DLEC1: variants seen among roughly 807,000 people sequenced by gnomAD.
The protein encoded by DLEC1 is deleted in lung and esophageal cancer protein 1.
DLEC1 carries 146 observed loss-of-function variants against 198.1 expected under a neutral mutation model. That is an observed-to-expected ratio of 0.74 (90% CI 0.64 to 0.85). The LOEUF is 0.85. Ranked by LOEUF, DLEC1 falls within the 40% of genes least tolerant of loss-of-function variation. The probability of loss-of-function intolerance (pLI) is 0.00; values close to 1 mark genes in which losing one functional copy is unlikely to be tolerated. For missense variants in DLEC1, 2,233 were observed against 2,220.0 expected (o/e 1.01, Z -0.12); for synonymous variants, 897 against 866.8 (o/e 1.03, Z -0.61).
chr3:38,076,398 G>C (rs1331957603), intron 6 of DLEC1, among the ~76,000 whole-genome samples: 1 of 152,314 alleles, frequency 6.6e-6, no homozygotes, highest in Non-Finnish European at 1.5e-5. Context: ...AGTCAGTGAA[G>C]GGAGATGGGG....
chr3:38,084,497 A>AGTGGTGGTG (rs1698298227), intron 7 of DLEC1, among the ~76,000 whole-genome samples: 1 of 126,808 alleles, frequency 7.9e-6, no homozygotes, highest in Admixed American at 8.4e-5. Context: ...TGGTGGTAGT[A>AGTGGTGGTG]GTAGTGGTAG....
At position 38,092,818 on chromosome 3, in the gene DLEC1, A is replaced by G. The variant is rs774426911; in HGVS notation, c.1694A>G (p.Lys565Arg). The change falls in exon 11 of 37, where the codon AAG becomes AGG. Residue 565 changes from lysine (K) to arginine (R), a missense_variant. By Grantham distance (26) the Lys-to-Arg change is conservative (BLOSUM62 2). Coordinates refer to ENST00000308059, the MANE Select transcript of DLEC1 (RefSeq NM_007335.4). ...EVLFSPKSLGKAEQTFIIMCD... is the reference protein window; with the variant it reads ...EVLFSPKSLGRAEQTFIIMCD... ...TTGTTTTCCCCAAAGAGCCTAGGAA[A>G]GGCAGAGCAGACCTTCATCATCATG... 1 of 1,614,180 alleles carries G rather than the reference A, an allele frequency of 6.2e-7. No homozygotes were observed. The highest frequency in any genetic ancestry group is 1.7e-5 in the Admixed American group (1 of 60,022).
rs71094942 is a variant in DLEC1 at position 38,054,218 on chromosome 3, AAAAC to A, written c.563-5508_563-5505del. Among the ~76,000 whole-genome samples, 1,482 of 151,848 alleles carry A rather than the reference AAAAC, an allele frequency of 9.8e-3. 23 individuals carry two copies. The highest frequency in any genetic ancestry group is 0.03 in the African/African-American group (1,227 of 41,418). ...ATACTAAAAAAAAAAACAAAACAAA[AAAAC>A]AAACAAACAAACAAAAACAAAAACA... On this transcript the variant is annotated intron_variant, in intron 2 of 36. Transcript: ENST00000308059.
intron 7 of DLEC1, among the ~76,000 whole-genome samples, 153 bp from the exon 8 acceptor site, chr3:38,085,121 C>G (rs1175265223): frequency 2.0e-5 from 3 of 152,332 alleles, no homozygotes; most frequent in South Asian, 2.1e-4. Flanking sequence ...GCCTGCTCCC[C>G]TCGCATGCCC....
chr3:38,052,556 C>T (rs754289432), intron 2 of DLEC1, among the ~76,000 whole-genome samples: 6 of 152,182 alleles, frequency 3.9e-5, no homozygotes, highest in Admixed American at 1.3e-4. Context: ...TAGCAGGAAC[C>T]GCTGCCTCCT....
chr3:38,071,025 A>G (rs950595784), intron 6 of DLEC1, among the ~76,000 whole-genome samples: 2 of 152,034 alleles, frequency 1.3e-5, no homozygotes, highest in Non-Finnish European at 2.9e-5. Context: ...GTATGGAGAG[A>G]GAGAATGGGC....
chr3:38,112,831 C>CTGTAGTGTGGAGGA lies in DLEC1; in HGVS notation c.3666+472_3666+485dup, dbSNP rs1699961098. On this transcript the variant is annotated intron_variant, in intron 25 of 36. Coordinates refer to ENST00000308059, the MANE Select transcript of DLEC1 (RefSeq NM_007335.4). This position sits in a 1 kb window ranked among gnomAD's most constrained non-coding sequence, Gnocchi z 4.8. Reference sequence around the variant, plus strand: ...TGTGTGTGGGTTCCTGTGTGGGCCGCTGTAGTGTGGAGGATACAGGGATGA... The same window carrying CTGTAGTGTGGAGGA: ...TGTGTGTGGGTTCCTGTGTGGGCCGCTGTAGTGTGGAGGATGTAGTGTGGAGGATACAGGGATGA... Among the ~76,000 whole-genome samples, 1 of 152,154 alleles carries CTGTAGTGTGGAGGA rather than the reference C, an allele frequency of 6.6e-6. No individual in the cohort carries two copies.
intron 18 of DLEC1, 52 bp downstream of exon 18, chr3:38,097,954 GCTTGCCCTGGTGAAA>G (rs779611237): frequency 1.1e-5 from 17 of 1,608,578 alleles, no homozygotes; most frequent in Non-Finnish European, 1.4e-5. Flanking sequence ...AGCCCGTTTA[GCTTGCCCTGGTGAAA>G]CTTGCCCTGG....
In DLEC1 at chr3:38,123,211, T is replaced by C. The variant is rs1442198999; in HGVS notation, c.*799T>C. 6 of 1,307,750 alleles carry C rather than the reference T, an allele frequency of 4.6e-6. No homozygotes were observed. In the East Asian group the frequency reaches 9.2e-5, roughly 20 times the overall value. 81.0% of individuals were successfully genotyped at this position (1,307,750 alleles called of 1,614,324 possible). On this transcript the variant is annotated 3_prime_UTR_variant, in exon 37 of 37. Transcript: ENST00000308059. ...GACCCAGAAGGACGTCATGGACAAG[T>C]AGGATGCAAAACCATCAGACCAGAT...
At chr3:38,094,821 T>C in intron 12 of DLEC1, 58 bp from the exon 13 acceptor site, 1 of 1,579,700 alleles carries the variant, frequency 6.3e-7, no homozygotes, top group Non-Finnish European at 8.6e-7. Flanking sequence ...AGGCATGGGG[T>C]GGAGGGACCT....
At position 38,097,156 on chromosome 3, in the gene DLEC1, G is replaced by A. The variant is rs375800643; in HGVS notation, c.2341-26G>A. ...ATTGACATGAAGGGGCAGTAAATGGGCAGCCTGGTCTCGGGTGTCTTTCAG... is the reference window on the plus strand; with the variant it reads ...ATTGACATGAAGGGGCAGTAAATGGACAGCCTGGTCTCGGGTGTCTTTCAG... On this transcript the variant is annotated intron_variant, in intron 15 of 36. Coordinates refer to ENST00000308059, the MANE Select transcript of DLEC1 (RefSeq NM_007335.4). The A allele has an allele frequency of 2.9e-4, 453 of 1,550,086 alleles. 3 individuals carry two copies. Among genetic ancestry groups the A allele is most frequent in the Non-Finnish European group, 6.6e-5 (75 of 1,144,712 alleles).
At chr3:38,080,771 T>A (rs1470990627) in intron 6 of DLEC1, among the ~76,000 whole-genome samples, 1 of 149,452 alleles carries the variant, frequency 6.7e-6, no homozygotes, top group Non-Finnish European at 1.5e-5. Flanking sequence ...GAAGAGAGCG[T>A]AGAGACACGG....
rs141610254 is a variant in DLEC1 at position 38,062,438 on chromosome 3, A to T, written c.873+70A>T. ...AGGCAGTGAAGGGGAAGGCATTCAG[A>T]TGACATGAGAAGCTGTGATGAATCC... On this transcript the variant is annotated intron_variant, in intron 4 of 36. Coordinates refer to ENST00000308059, the MANE Select transcript of DLEC1 (RefSeq NM_007335.4). 50 of 1,597,886 alleles carry T rather than the reference A, an allele frequency of 3.1e-5. No homozygotes were observed. The African/African-American group carries it at 5.5e-4, about 18-fold the overall frequency.
intron 7 of DLEC1, among the ~76,000 whole-genome samples, 189 bp downstream of exon 7, chr3:38,084,434 AGTGGTGGTG>A (rs1458858662): frequency 4.0e-3 from 8 of 1,978 alleles, no homozygotes; most frequent in South Asian, 0.034. Flanking sequence ...TAGTAGTAGT[AGTGGTGGTG>A]GTGGTGGTGG....
chr3:38,087,307 TCAGCACTGACACCATCCA>T (rs1698511423), intron 9 of DLEC1, among the ~76,000 whole-genome samples: 1 of 146,668 alleles, frequency 6.8e-6, no homozygotes, highest in African/African-American at 2.5e-5. Flanking sequence ...ACACCATCCA[TCAGCACTGACACCATCCA>T]TCAGCATGCT....
At chr3:38,118,115 A>C (rs1157005881) in intron 33 of DLEC1, 91 bp downstream of exon 33, 3 of 1,415,652 alleles carry the variant, frequency 2.1e-6, no homozygotes, top group South Asian at 1.4e-5. Context: ...AGGTGCTTGT[A>C]CCCAGACGCA....
intron 19 of DLEC1, among the ~76,000 whole-genome samples, chr3:38,102,041 A>G (rs1303596656): frequency 6.6e-6 from 1 of 152,156 alleles, no homozygotes. Flanking sequence ...ACCTTGCTGA[A>G]TCCAAGGGCC....
chr3:38,039,485 T>A lies in DLEC1; in HGVS notation c.260T>A (p.Leu87Gln). 6.2e-7 allele frequency: 1 copy of A among 1,614,058 alleles called. No homozygotes were observed. Among genetic ancestry groups the A allele is most frequent in the Non-Finnish European group, 8.5e-7 (1 of 1,179,902 alleles). ...CTGCTTCGTCTGCGCCCCTCCTCGC[T>A]GCGCACCCAAGATATCTCGCACTTG... The part of the protein sequence containing the change: ...PQLLRLRPSS[L>Q]RTQDISHLLT... Residue 87 changes from leucine to glutamine, a missense_variant, in exon 1 of 37, where the codon CTG becomes CAG. By Grantham distance (113) the Leu-to-Gln change is moderately radical (BLOSUM62 -2). Transcript: ENST00000308059.
intron 6 of DLEC1, among the ~76,000 whole-genome samples, chr3:38,071,136 G>A (rs190502809): frequency 5.3e-5 from 8 of 152,254 alleles, no homozygotes; most frequent in East Asian, 1.9e-4. Context: ...TGGTGATATC[G>A]TGGGGTTGTT....
Sources: allele counts gnomAD v4.1 joint callset (sites outside exome capture counted in the v4.1 genomes callset), GRCh38; gene constraint gnomAD v4.1.1; non-coding constraint Gnocchi (gnomAD v3.1); transcripts MANE v1.5; gene names NCBI Gene and HGNC (gene_info 2026-07-23, HGNC 2026-07-21).